APC: variants seen among roughly 807,000 people sequenced by gnomAD.
APC encodes the protein APC regulator of Wnt signaling pathway.
A neutral mutation model predicts 247.0 loss-of-function variants in APC; 72 were observed. The ratio of observed to expected loss-of-function variants is 0.29; its 90% CI spans 0.24 to 0.35. The LOEUF (loss-of-function observed/expected upper bound fraction) is 0.35, where lower values mean the gene tolerates loss of function less well. Ranked by LOEUF, APC falls within the 10% of genes least tolerant of loss-of-function variation. The probability of loss-of-function intolerance (pLI) is 1.00; values close to 1 mark genes in which losing one functional copy is unlikely to be tolerated. For synonymous variants in APC, 1,254 were observed against 1,162.5 expected, an observed-to-expected ratio of 1.08 and a Z score of -1.60; for missense variants, 3,400 against 3,360.7, an observed-to-expected ratio of 1.01 and a Z score of -0.29.
In APC at chr5:112,707,744, G is replaced by A. The variant is rs761592349; in HGVS notation, c.27G>A (p.Pro9=). 7.3e-7 allele frequency: 1 copy of A among 1,370,628 alleles called. No individual in the cohort carries two copies. Among genetic ancestry groups the A allele is most frequent in the Non-Finnish European group, 9.6e-7 (1 of 1,038,776 alleles). 84.9% of individuals were successfully genotyped at this position (1,370,628 alleles called of 1,614,324 possible). A position where few individuals can be genotyped will look rare whatever the true frequency, so the allele number is the denominator to read the frequency against. ...TGTACGCCTCCCTGGGCTCGGGTCC[G>A]GTCGCCCCTTTGCCCGCTTCTGTAC... The change falls in exon 1 of 14, where the codon CCG becomes CCA. Residue 9 remains proline (P), a synonymous_variant. Coordinates refer to the APC transcript ENST00000507379.
chr5:112,790,364 C>T (rs1053101481), intron 6 of APC, among the ~76,000 whole-genome samples: 4 of 151,968 alleles, frequency 2.6e-5, no homozygotes, highest in African/African-American at 7.3e-5. Context: ...GTCTCACTCT[C>T]GCCCAGGCTG....
At chr5:112,776,799 C>T (rs918067596) in intron 5 of APC, among the ~76,000 whole-genome samples, 5 of 151,962 alleles carry the variant, frequency 3.3e-5, no homozygotes, top group African/African-American at 1.2e-4. Context: ...CAAGTTCATG[C>T]CACTGCACTC....
exon 1 of APC, chr5:112,707,785 G>C (rs2149630826): frequency 7.3e-7 from 1 of 1,370,646 alleles, no homozygotes; most frequent in Non-Finnish European, 9.6e-7. Context: ...TCAGTTCTCG[G>C]GTCCTGGAGC....
rs569989740 is a variant in APC, at chr5:112,709,194, T to C, written c.165+1312T>C. Among the ~76,000 whole-genome samples the C allele has an allele frequency of 7.9e-5, 12 of 152,352 alleles. No individual in the cohort carries two copies. The East Asian group carries it at 1.9e-3, about 24-fold the overall frequency. ...GTTGTTAAGCACAAACTATGCCTGC[T>C]GTATTAGAATTGTATGTTAAAAATT... On this transcript the variant is annotated intron_variant, in intron 1 of 13. Transcript: ENST00000507379.
intron 1 of APC, among the ~76,000 whole-genome samples, chr5:112,730,196 T>A (rs1752030094): frequency 6.6e-6 from 1 of 152,236 alleles, no homozygotes; most frequent in African/African-American, 2.4e-5. Flanking sequence ...TTTTTACCTA[T>A]TCTGATTATA....
At chr5:112,756,953 A>T (rs1375617781) in intron 2 of APC, among the ~76,000 whole-genome samples, 1 of 152,332 alleles carries the variant, frequency 6.6e-6, no homozygotes, top group South Asian at 2.1e-4. Context: ...GAAATGCTCC[A>T]TTGAGCATTT....
intron 14 of APC, among the ~76,000 whole-genome samples, chr5:112,834,745 T>A (rs1764676561): frequency 6.6e-6 from 1 of 152,214 alleles, no homozygotes; most frequent in South Asian, 2.1e-4. Context: ...TATTGTGTTC[T>A]GCTTGTTTTA....
At position 112,792,485 on chromosome 5, in the gene APC, C is replaced by G. The variant is rs1580423911; in HGVS notation, c.685C>G (p.Leu229Val). 6.2e-7 allele frequency: 1 copy of G among 1,612,464 alleles called. No individual in the cohort carries two copies. The highest frequency in any genetic ancestry group is 1.1e-5 in the South Asian group (1 of 90,984). The stretch of plus-strand genomic sequence containing the variant: ...AATTCAGCAAATCGAAAAGGACATA[C>G]TTCGTATACGACAGCTTTTACAGTC... Reference protein sequence around the residue: ...ARIQQIEKDILRIRQLLQSQA... With the variant: ...ARIQQIEKDIVRIRQLLQSQA... Residue 229 changes from leucine to valine, a missense_variant, in exon 7 of 16, where the codon CTT becomes GTT. Transcript: ENST00000257430.
rs1368253004 is a variant in APC at position 112,845,972 on chromosome 5, C to G, written c.*1846C>G. ...TCACATCAAGTAGTTAATTATCTAC[C>G]CCTTACCTGTGTTTATAACTTCCAG... On this transcript the variant is annotated 3_prime_UTR_variant, in exon 16 of 16. Transcript: ENST00000257430. 4.3e-6 allele frequency: 1 copy of G among 231,924 alleles called. No individual in the cohort carries two copies. The highest frequency in any genetic ancestry group is 8.5e-6 in the Non-Finnish European group (1 of 117,386). 14.4% of individuals were successfully genotyped at this position (231,924 alleles called of 1,614,324 possible).
chr5:112,762,235 T>G (rs1755756524), intron 2 of APC, among the ~76,000 whole-genome samples: 1 of 152,200 alleles, frequency 6.6e-6, no homozygotes. Flanking sequence ...ACACCAAATG[T>G]GGAGCATTGG....
chr5:112,779,993 A>G (rs1471783670), intron 5 of APC, among the ~76,000 whole-genome samples: 1 of 152,206 alleles, frequency 6.6e-6, no homozygotes, highest in Non-Finnish European at 1.5e-5. Flanking sequence ...TTCATGGCCC[A>G]TTATAAGTCT....
intron 11 of APC, 135 bp downstream of exon 11, chr5:112,822,126 A>T: frequency 3.0e-6 from 2 of 666,264 alleles, no homozygotes; most frequent in Admixed American, 2.4e-5. Context: ...TTCTGTTATC[A>T]GCTGCTTCCT....
intron 3 of APC, 117 bp from the exon 4 acceptor site, chr5:112,767,072 G>A: frequency 2.1e-6 from 2 of 953,756 alleles, no homozygotes; most frequent in Non-Finnish European, 3.2e-6. Context: ...TTTCAGTCAT[G>A]TATATTTGTG....
intron 11 of APC, among the ~76,000 whole-genome samples, chr5:112,823,785 G>C (rs1763376169): frequency 6.6e-6 from 1 of 152,142 alleles, no homozygotes; most frequent in Non-Finnish European, 1.5e-5. Context: ...GGAACTCACA[G>C]TTTATTTGCA....
upstream of APC, among the ~76,000 whole-genome samples, chr5:112,736,231 A>G (rs539544898): frequency 8.5e-5 from 13 of 152,384 alleles, no homozygotes; most frequent in East Asian, 1.9e-4. Context: ...AATATAATCA[A>G]ATTGATTTAC....
chr5:112,752,561 G>A (rs966113679), intron 1 of APC, among the ~76,000 whole-genome samples: 3 of 152,132 alleles, frequency 2.0e-5, no homozygotes, highest in African/African-American at 7.2e-5. Context: ...AAGATTGGGA[G>A]GTTTTCCCCA....
intron 6 of APC, 127 bp from the exon 7 acceptor site, chr5:112,792,319 T>C (rs771594396): frequency 1.4e-4 from 85 of 609,360 alleles, no homozygotes; most frequent in South Asian, 8.0e-4. Flanking sequence ...TATATTTATA[T>C]GTCTAGCTTT....
chr5:112,820,182 GACACACACAC>G (rs111788809), intron 10 of APC, among the ~76,000 whole-genome samples: 16 of 143,400 alleles, frequency 1.1e-4, no homozygotes, highest in South Asian at 2.3e-4. Flanking sequence ...GATAAGAACT[GACACACACAC>G]ACACACACAC....
chr5:112,746,487 A>G (rs980249146), intron 1 of APC, among the ~76,000 whole-genome samples: 3 of 152,202 alleles, frequency 2.0e-5, no homozygotes, highest in Non-Finnish European at 4.4e-5. Context: ...GGAAAAATCA[A>G]CAGGCTCGTA....
Sources: gnomAD v4.1 joint callset for allele counts (sites outside exome capture counted in the v4.1 genomes callset) on GRCh38, gnomAD v4.1.1 for gene constraint, MANE v1.5 for transcripts, NCBI Gene and HGNC (gene_info 2026-07-23, HGNC 2026-07-21) for gene names.